The following ADPRHL1 variants were observed in gnomAD, a reference collection of about 807,000 sequenced individuals.
ADPRHL1 encodes inactive ADP-ribosyltransferase ARH2.
ADPRHL1 carries 43 observed loss-of-function variants against 44.1 expected under a neutral mutation model. The ratio of observed to expected loss-of-function variants is 0.98; its 90% CI spans 0.76 to 1.26. The LOEUF (loss-of-function observed/expected upper bound fraction) is 1.26. Among genes scored for constraint, ADPRHL1 ranks in the 50% most tolerant of loss-of-function variants. The pLI is 0.00. For missense variants in ADPRHL1, 2,022 were observed against 2,496.9 expected (o/e 0.81, Z 4.05); for synonymous variants, 878 against 1,017.4 (o/e 0.86, Z 2.61).
rs1364157363 is a variant in ADPRHL1, at chr13:113,401,316, C to CA, written c.*2061dup. On this transcript the variant is annotated 3_prime_UTR_variant, in exon 8 of 8. Coordinates refer to ENST00000612156, the MANE Select transcript of ADPRHL1 (RefSeq NM_001394807.1). This position sits in a 1 kb window ranked among gnomAD's most constrained non-coding sequence, Gnocchi z 5.5. ...AACTCCAGCCCCAACTGCAGGCTCC[C>CA]AGGACTGCAGGGGCAGGGACTCTGG... 6.6e-6 allele frequency: 1 copy of CA among 152,202 alleles called. No individual in the cohort carries two copies. The highest frequency in any genetic ancestry group is 1.9e-4 in the East Asian group (1 of 5,172). 9.4% of individuals were successfully genotyped at this position (152,202 alleles called of 1,614,324 possible).
intron 7 of ADPRHL1, among the ~76,000 whole-genome samples, chr13:113,413,552 C>T (rs779405904): frequency 6.6e-6 from 1 of 152,248 alleles, no homozygotes; most frequent in African/African-American, 2.4e-5. Context: ...GGGGCCTTCA[C>T]TTGCTGTGAA....
chr13:113,443,330 C>T (rs2044111764), intron 2 of ADPRHL1, among the ~76,000 whole-genome samples: 1 of 152,008 alleles, frequency 6.6e-6, no homozygotes, highest in Non-Finnish European at 1.5e-5. Context: ...TAAGTCTTGG[C>T]TGGGTGTGGT....
rs1425692555 is a variant in ADPRHL1 at position 113,441,037 on chromosome 13, C to T, written c.379+3388G>A. 1.3e-5 allele frequency among the ~76,000 whole-genome samples: 2 copies of T among 152,100 alleles called. No homozygotes were observed. Among genetic ancestry groups the T allele is most frequent in the Non-Finnish European group, 2.9e-5 (2 of 68,014 alleles). On this transcript the variant is annotated intron_variant, in intron 2 of 7. Transcript: ENST00000612156. The surrounding 1 kb of genome is among the most constrained non-coding windows in gnomAD (Gnocchi z 6.0). Reference sequence around the variant, plus strand: ...GTGTGGTGGTGGGCGCCCGTAGTCCCAGCTACTTGGGAGGTGGAGGCAGGA... The same window carrying T: ...GTGTGGTGGTGGGCGCCCGTAGTCCTAGCTACTTGGGAGGTGGAGGCAGGA...
intron 3 of ADPRHL1, among the ~76,000 whole-genome samples, chr13:113,431,126 C>T (rs1435605569): frequency 3.3e-5 from 5 of 152,148 alleles, no homozygotes; most frequent in African/African-American, 7.2e-5. Context: ...GCTGTCACGG[C>T]GCCATTGGCC....
At chr13:113,451,059 G>T (rs946251015) in intron 1 of ADPRHL1, among the ~76,000 whole-genome samples, 4 of 152,134 alleles carry the variant, frequency 2.6e-5, no homozygotes, top group Non-Finnish European at 5.9e-5. Context: ...CCAGACGCTG[G>T]CGTCACAGCT....
Position 113,444,607 on chromosome 13 carries a change from G to A in ADPRHL1, c.215-18C>T, listed in dbSNP as rs368351748. 9.9e-6 allele frequency: 16 copies of A among 1,611,124 alleles called. No individual in the cohort carries two copies. Among genetic ancestry groups the A allele is most frequent in the East Asian group, 2.2e-5 (1 of 44,796 alleles). ...CCAGTAGTCTGCGGAAGAAAGGGAG[G>A]GCAGACATCAGAGCCAGCTGTGGTG... On this transcript the variant is annotated intron_variant, in intron 1 of 7. Coordinates refer to ENST00000612156, the MANE Select transcript of ADPRHL1 (RefSeq NM_001394807.1).
chr13:113,404,945 A>G lies in ADPRHL1; in HGVS notation c.4337T>C (p.Leu1446Pro), dbSNP rs2043795636. The G allele has an allele frequency of 2.4e-6, 3 of 1,239,986 alleles. No individual in the cohort carries two copies. Among genetic ancestry groups the G allele is most frequent in the African/African-American group, 3.1e-5 (2 of 64,604 alleles). 76.8% of individuals were successfully genotyped at this position (1,239,986 alleles called of 1,614,324 possible). The change falls in exon 8 of 8, where the codon CTG becomes CCG. Residue 1446 changes from leucine (L) to proline (P), a missense_variant. Physicochemically the swap from Leu to Pro is moderately conservative, Grantham distance 98. Transcript: ENST00000612156. ...CCCCCGCTCCTCCCAGGGTCCCTGCAGATGCTGCTGACCTTGGTCACTGCG... is the reference window on the plus strand; with the variant it reads ...CCCCCGCTCCTCCCAGGGTCCCTGCGGATGCTGCTGACCTTGGTCACTGCG... The part of the protein sequence containing the change: ...CQRSDQGQQH[L>P]QGPWEERGRS...
rs1403422303 is a variant in ADPRHL1 at position 113,404,498 on chromosome 13, T to A, written c.4784A>T (p.Gln1595Leu). ...QKWAQGQIQG[Q>L]AQKQVQGEVQ... ...CTCTCCTTGAACCTGTTTCTGGGCC[T>A]GTCCCTGAATCTGCCCCTGAGCCCA... The change falls in exon 8 of 8, where the codon CAG (glutamine) becomes CTG (leucine). Residue 1595 changes from glutamine to leucine, a missense_variant. Gln to Leu is a moderately radical substitution (Grantham distance 113). Transcript: ENST00000612156. The A allele has an allele frequency of 1.5e-6, 2 of 1,313,218 alleles. No homozygotes were observed. Among genetic ancestry groups the A allele is most frequent in the African/African-American group, 1.5e-5 (1 of 65,072 alleles). 81.3% of individuals were successfully genotyped at this position (1,313,218 alleles called of 1,614,324 possible). A position where few individuals can be genotyped will look rare whatever the true frequency, so the allele number is the denominator to read the frequency against.
intron 1 of ADPRHL1, among the ~76,000 whole-genome samples, chr13:113,446,949 C>T (rs868303809): frequency 3.8e-4 from 36 of 94,684 alleles, no homozygotes; most frequent in Middle Eastern, 8.1e-3. Flanking sequence ...GGTGTCTACA[C>T]TCACGGTGTT....
At chr13:113,445,933 C>T (rs1026427126) in intron 1 of ADPRHL1, among the ~76,000 whole-genome samples, 1 of 149,164 alleles carries the variant, frequency 6.7e-6, no homozygotes, top group Admixed American at 6.7e-5. Context: ...GGAGAGAGCA[C>T]GCACGTGTAG....
In ADPRHL1 at chr13:113,404,638, A is replaced by AGCCTGTCCCTGG. The variant is rs2043793132; in HGVS notation, c.4632_4643dup (p.Gln1547_Gly1550dup). On this transcript the variant is annotated inframe_insertion, in exon 8 of 8. Coordinates refer to ENST00000612156, the MANE Select transcript of ADPRHL1 (RefSeq NM_001394807.1). Reference sequence around the variant, plus strand: ...GGGCCTGTTCTTGAGCGTGTCCCTGAGCCTGTCCCTGGGCCCAATTCTGAA... The same window carrying AGCCTGTCCCTGG: ...GGGCCTGTTCTTGAGCGTGTCCCTGAGCCTGTCCCTGGGCCTGTCCCTGGGCCCAATTCTGAA... 7.7e-7 allele frequency: 1 copy of AGCCTGTCCCTGG among 1,292,246 alleles called. No individual in the cohort carries two copies. Among genetic ancestry groups the AGCCTGTCCCTGG allele is most frequent in the Non-Finnish European group, 9.7e-7 (1 of 1,027,842 alleles). The allele number at this position is 1,292,246 out of a possible 1,614,324, so 80.0% of individuals were successfully genotyped here. A position where few individuals can be genotyped will look rare whatever the true frequency, so the allele number is the denominator to read the frequency against.
intron 2 of ADPRHL1, among the ~76,000 whole-genome samples, chr13:113,443,618 A>G (rs2044114220): frequency 6.6e-6 from 1 of 150,666 alleles, no homozygotes; most frequent in Non-Finnish European, 1.5e-5. Flanking sequence ...GACCCTGTCT[A>G]CAAAATAAAT....
In ADPRHL1 at chr13:113,405,915, G is replaced by A. The variant is rs1410999749; in HGVS notation, c.3367C>T (p.Arg1123Cys). 21 of 1,232,062 alleles carry A rather than the reference G, an allele frequency of 1.7e-5. No homozygotes were observed. In the East Asian group the frequency reaches 2.8e-4, roughly 17 times the overall value. 76.3% of individuals were successfully genotyped at this position (1,232,062 alleles called of 1,614,324 possible). The change falls in exon 8 of 8, where the codon CGC becomes TGC. Residue 1123 changes from arginine to cysteine, a missense_variant. This residue lies in a region of ADPRHL1 where 1,221 missense variants were observed against 1,517.8 expected (regional missense o/e 0.80). Coordinates refer to ENST00000612156, the MANE Select transcript of ADPRHL1 (RefSeq NM_001394807.1). Reference sequence around the variant, plus strand: ...CCTGGCGCTGGTGCAGGCGTGGCGCGGCTCGCAACGCTCCCTGCAGCTGCC... The same window carrying A: ...CCTGGCGCTGGTGCAGGCGTGGCGCAGCTCGCAACGCTCCCTGCAGCTGCC... ...AMAAAGSVASRATPAPAPGST... is the reference protein window; with the variant it reads ...AMAAAGSVASCATPAPAPGST...
At chr13:113,444,730 C>A in intron 1 of ADPRHL1, 141 bp from the exon 2 acceptor site, 1 of 1,012,060 alleles carries the variant, frequency 9.9e-7, no homozygotes, top group Non-Finnish European at 1.4e-6. Context: ...TCACTCCGTT[C>A]TCCTGCCTCA....
At position 113,400,683 on chromosome 13, in the gene ADPRHL1, C is replaced by T. The variant is rs2043754375; in HGVS notation, c.*2695G>A. ...TGAACGTACGGACCGTTCTCAAATC[C>T]TGGTGAAGTCACTGGCAGTTTTTTC... is the stretch of plus-strand genomic sequence containing the variant. On this transcript the variant is annotated 3_prime_UTR_variant, in exon 8 of 8. Coordinates refer to ENST00000612156, the MANE Select transcript of ADPRHL1 (RefSeq NM_001394807.1). 6.6e-6 allele frequency: 1 copy of T among 152,270 alleles called. No homozygotes were observed. The highest frequency in any genetic ancestry group is 2.4e-5 in the African/African-American group (1 of 41,432). The allele number at this position is 152,270 out of a possible 1,614,324, so 9.4% of individuals were successfully genotyped here. A position where few individuals can be genotyped will look rare whatever the true frequency, so the allele number is the denominator to read the frequency against.
intron 2 of ADPRHL1, among the ~76,000 whole-genome samples, chr13:113,443,849 C>T (rs977093126): frequency 2.0e-4 from 30 of 149,696 alleles, no homozygotes; most frequent in East Asian, 1.0e-3. Flanking sequence ...AGGCTGAGAC[C>T]GGAGAATTTC....
rs148907390 is a variant in ADPRHL1, at chr13:113,453,470, C to T, written c.-33G>A. 1,570 of 1,608,382 alleles carry T rather than the reference C, an allele frequency of 9.8e-4. 26 individuals carry two copies. The East Asian group carries it at 0.027, about 28-fold the overall frequency. ...GGCAGCTCCTCTTCCCCAACAGCTG[C>T]GGAGCGTCCTGGCCTTTGTCTCCTC... On this transcript the variant is annotated 5_prime_UTR_variant, in exon 1 of 8. Transcript: ENST00000612156. This position sits in a 1 kb window ranked among gnomAD's most constrained non-coding sequence, Gnocchi z 5.4.
intron 3 of ADPRHL1, among the ~76,000 whole-genome samples, chr13:113,432,700 G>A (rs1020168648): frequency 1.3e-5 from 2 of 149,846 alleles, no homozygotes; most frequent in African/African-American, 2.5e-5. Context: ...CGTGTTGATC[G>A]AAGGCCGGTT....
At chr13:113,436,948 G>A (rs1374977694) in intron 2 of ADPRHL1, among the ~76,000 whole-genome samples, 2 of 148,460 alleles carry the variant, frequency 1.3e-5, no homozygotes. Context: ...CCGGGACCCA[G>A]CACCCAGGTG....
Sources: allele counts gnomAD v4.1 joint callset (sites outside exome capture counted in the v4.1 genomes callset), GRCh38; gene constraint gnomAD v4.1.1; regional missense constraint gnomAD v4.1.1; non-coding constraint Gnocchi (gnomAD v3.1); transcripts MANE v1.5; gene names NCBI Gene and HGNC (gene_info 2026-07-23, HGNC 2026-07-21).